ZFR: variants seen among roughly 807,000 people sequenced by gnomAD.
ZFR encodes the protein zinc finger RNA-binding protein.
In ZFR, 19 loss-of-function variants were observed where a neutral mutation model predicts 130.7. The ratio of observed to expected loss-of-function variants is 0.15; its 90% CI spans 0.10 to 0.21. The LOEUF (loss-of-function observed/expected upper bound fraction) is 0.21, where lower values mean the gene tolerates loss of function less well. ZFR is among the 10% of genes least tolerant of loss of function. ZFR has a pLI of 1.00. For missense variants in ZFR, 872 were observed against 1,321.5 expected (o/e 0.66, Z 5.27); for synonymous variants, 466 against 456.9 (o/e 1.02, Z -0.25).
At chr5:32,377,432 G>A (rs1448545142) in intron 17 of ZFR, among the ~76,000 whole-genome samples, 2 of 151,188 alleles carry the variant, frequency 1.3e-5, no homozygotes, top group East Asian at 2.0e-4. Context: ...CACCCGCCTC[G>A]GCCTCCCAAA....
At chr5:32,424,931 A>G (rs1002123896) in intron 2 of ZFR, among the ~76,000 whole-genome samples, 1 of 151,934 alleles carries the variant, frequency 6.6e-6, no homozygotes, top group Non-Finnish European at 1.5e-5. Context: ...GGAGTGAAAC[A>G]CAAGAGTTTC....
intron 2 of ZFR, among the ~76,000 whole-genome samples, chr5:32,438,252 AATTTTTTTT>A (rs1754385390): frequency 2.4e-5 from 2 of 83,476 alleles, no homozygotes. Context: ...TTTATCTGAA[AATTTTTTTT>A]TTTTTTTTTT....
intron 10 of ZFR, 109 bp downstream of exon 10, chr5:32,397,110 T>C (rs1753331518): frequency 7.8e-7 from 1 of 1,274,608 alleles, no homozygotes; most frequent in Middle Eastern, 2.1e-4. Context: ...TGGGACATCA[T>C]GGACTTGGCA....
intron 19 of ZFR, among the ~76,000 whole-genome samples, chr5:32,361,659 C>T (rs1036231066): frequency 2.1e-5 from 3 of 144,914 alleles, no homozygotes; most frequent in African/African-American, 7.7e-5. Context: ...CACTCTGTTG[C>T]CCAGGCTAGA....
intron 17 of ZFR, among the ~76,000 whole-genome samples, chr5:32,372,010 C>A (rs2111684784): frequency 6.6e-6 from 1 of 152,256 alleles, no homozygotes; most frequent in African/African-American, 2.4e-5. Flanking sequence ...GACAAAAGCT[C>A]TAGGAGTCCA....
In ZFR at chr5:32,355,666, T is replaced by C. The variant is rs563900793; in HGVS notation, c.*94A>G. 4.2e-6 allele frequency: 5 copies of C among 1,187,488 alleles called. No homozygotes were observed. In the South Asian group the frequency reaches 9.0e-5, roughly 21 times the overall value. The allele number at this position is 1,187,488 out of a possible 1,614,324, so 73.6% of individuals were successfully genotyped here. A position where few individuals can be genotyped will look rare whatever the true frequency, so the allele number is the denominator to read the frequency against. On this transcript the variant is annotated 3_prime_UTR_variant, in exon 20 of 20. Transcript: ENST00000265069. Reference sequence around the variant, plus strand: ...TTCTTCCATGAAATCCTTTAAATTCTTGATAAATTTTTCAATGTAGACATT... The same window carrying C: ...TTCTTCCATGAAATCCTTTAAATTCCTGATAAATTTTTCAATGTAGACATT...
rs77830302 is a variant in ZFR, at chr5:32,381,479, T to C, written c.2642-1307A>G. On this transcript the variant is annotated intron_variant, in intron 15 of 19. Transcript: ENST00000265069. ...AAATATAATAGTCCTTTGGAAATTA[T>C]GGGGCATTTAGAATACAGTTTAATA... Among the ~76,000 whole-genome samples, 447 of 152,178 alleles carry C rather than the reference T, an allele frequency of 2.9e-3. 8 individuals are homozygous for C. The East Asian group carries it at 0.044, about 15-fold the overall frequency.
chr5:32,400,218 A>G lies in ZFR; in HGVS notation c.1517-15T>C, dbSNP rs199826204. The G allele has an allele frequency of 2.0e-6, 3 of 1,536,118 alleles. No individual in the cohort carries two copies. Among genetic ancestry groups the G allele is most frequent in the Non-Finnish European group, 2.6e-6 (3 of 1,146,332 alleles). ...CTTATTACCACCTAGAAAAGTATCA[A>G]AAAGTTAAAAAAAATTTTATTTTTG... On this transcript the variant is annotated splice_polypyrimidine_tract_variant and intron_variant, in intron 8 of 19. Coordinates refer to ENST00000265069, the MANE Select transcript of ZFR (RefSeq NM_016107.5).
At chr5:32,434,840 A>G (rs1293384503) in intron 2 of ZFR, among the ~76,000 whole-genome samples, 1 of 152,238 alleles carries the variant, frequency 6.6e-6, no homozygotes. Context: ...TACTCAAAAA[A>G]GAAACTCACT....
chr5:32,436,715 C>T (rs948720609), intron 2 of ZFR, among the ~76,000 whole-genome samples: 2 of 152,128 alleles, frequency 1.3e-5, no homozygotes, highest in Non-Finnish European at 1.5e-5. Flanking sequence ...GGATTAAAAT[C>T]CTCCAGCCTA....
intron 15 of ZFR, 106 bp from the exon 16 acceptor site, chr5:32,380,278 CTTG>C: frequency 1.5e-6 from 1 of 660,310 alleles, no homozygotes; most frequent in South Asian, 2.1e-5. Context: ...CATTTGAGAG[CTTG>C]TTGGCACTTT....
At chr5:32,442,703 G>C (rs1215714574) in intron 2 of ZFR, among the ~76,000 whole-genome samples, 5 of 152,118 alleles carry the variant, frequency 3.3e-5, no homozygotes, top group Non-Finnish European at 7.3e-5. Context: ...GTCTTAAGCA[G>C]TGTCTTAACT....
intron 2 of ZFR, among the ~76,000 whole-genome samples, chr5:32,428,625 T>A (rs1253257557): frequency 6.6e-6 from 1 of 152,202 alleles, no homozygotes; most frequent in East Asian, 1.9e-4. Context: ...TACATCATCC[T>A]ACAAATACCT....
At chr5:32,435,982 T>G (rs1050005004) in intron 2 of ZFR, among the ~76,000 whole-genome samples, 1 of 152,122 alleles carries the variant, frequency 6.6e-6, no homozygotes, top group African/African-American at 2.4e-5. Flanking sequence ...ACCAGTAACT[T>G]GATAACTGTA....
At chr5:32,427,432 A>G (rs985037855) in intron 2 of ZFR, among the ~76,000 whole-genome samples, 1 of 151,770 alleles carries the variant, frequency 6.6e-6, no homozygotes, top group Admixed American at 6.6e-5. Flanking sequence ...GAATAAACCT[A>G]GCCAAGAAGG....
chr5:32,406,029 T>C (rs189385232), intron 6 of ZFR, among the ~76,000 whole-genome samples: 4 of 152,334 alleles, frequency 2.6e-5, no homozygotes, highest in Admixed American at 2.0e-4. Flanking sequence ...CCAAATAACA[T>C]GCCTTTTATC....
intron 2 of ZFR, among the ~76,000 whole-genome samples, chr5:32,424,932 C>A (rs557805536): frequency 1.3e-5 from 2 of 151,566 alleles, no homozygotes; most frequent in East Asian, 3.9e-4. Context: ...GAGTGAAACA[C>A]AAGAGTTTCA....
At chr5:32,442,150 AAGTT>A (rs1754489087) in intron 2 of ZFR, among the ~76,000 whole-genome samples, 1 of 152,212 alleles carries the variant, frequency 6.6e-6, no homozygotes. Context: ...ACAGTAAATA[AAGTT>A]AGTAATTCAA....
At chr5:32,425,838 A>G (rs1242055747) in intron 2 of ZFR, among the ~76,000 whole-genome samples, 3 of 152,190 alleles carry the variant, frequency 2.0e-5, no homozygotes, top group African/African-American at 7.2e-5. Context: ...ATTCTAATAT[A>G]GTAAATACCA....
Sources: allele counts gnomAD v4.1 joint callset (sites outside exome capture counted in the v4.1 genomes callset), GRCh38; gene constraint gnomAD v4.1.1; transcripts MANE v1.5; gene names NCBI Gene and HGNC (gene_info 2026-07-23, HGNC 2026-07-21).